Variants in C11orf54 observed in about 807,000 individuals in gnomAD.
C11orf54 encodes beta-keto-L-gulonate decarboxylase.
A neutral mutation model predicts 35.5 loss-of-function variants in C11orf54; 29 were observed. The ratio of observed to expected loss-of-function variants is 0.82; its 90% CI spans 0.61 to 1.11. The LOEUF is 1.11. Ranked by LOEUF, C11orf54 falls within the 50% of genes most tolerant of loss-of-function variation. C11orf54 has a pLI of 0.00. For missense variants in C11orf54, 373 were observed against 369.2 expected, an observed-to-expected ratio of 1.01 and a Z score of -0.08; for synonymous variants, 108 against 121.1, an observed-to-expected ratio of 0.89 and a Z score of 0.71.
chr11:93,759,694 C>G (rs775407319), intron 7 of C11orf54, 48 bp from the exon 8 acceptor site: 32 of 913,772 alleles, frequency 3.5e-5, no homozygotes, highest in Non-Finnish European at 1.4e-5. Context: ...ATTTTTAATT[C>G]TTAGTAATAT....
intron 2 of C11orf54, among the ~76,000 whole-genome samples, chr11:93,749,836 G>A (rs1417718112): frequency 6.6e-6 from 1 of 152,138 alleles, no homozygotes; most frequent in Non-Finnish European, 1.5e-5. Context: ...AGATCAAAAT[G>A]TAAAATATTT....
chr11:93,749,092 C>T (rs556431660), intron 2 of C11orf54, among the ~76,000 whole-genome samples: 5 of 146,812 alleles, frequency 3.4e-5, no homozygotes, highest in African/African-American at 1.3e-4. Flanking sequence ...TGCAGTAAGC[C>T]GAGATTGCGC....
chr11:93,751,478 C>A (rs1357803708), intron 3 of C11orf54, among the ~76,000 whole-genome samples: 2 of 143,272 alleles, frequency 1.4e-5, no homozygotes, highest in South Asian at 2.2e-4. Flanking sequence ...AATCTCAGCT[C>A]ACTGCAACCT....
chr11:93,748,090 T>C (rs1286676049), intron 2 of C11orf54, among the ~76,000 whole-genome samples: 3 of 152,242 alleles, frequency 2.0e-5, no homozygotes, highest in African/African-American at 7.2e-5. Flanking sequence ...GAACCTTCGC[T>C]TGTTTCTCAA....
At position 93,752,067 on chromosome 11, in the gene C11orf54, G is replaced by A. The variant is rs943398027; in HGVS notation, c.155-1615G>A. On this transcript the variant is annotated intron_variant, in intron 3 of 8. Transcript: ENST00000354421. ...TCATCATGTTGGCCAGGCTGATCTCGAACTCCCAGTCTCAAGTGATGTGCC... is the reference window on the plus strand; with the variant it reads ...TCATCATGTTGGCCAGGCTGATCTCAAACTCCCAGTCTCAAGTGATGTGCC... 4.0e-5 allele frequency among the ~76,000 whole-genome samples: 6 copies of A among 151,428 alleles called. No homozygotes were observed. In the East Asian group the frequency reaches 5.9e-4, roughly 15 times the overall value.
In C11orf54 at chr11:93,750,340, T is replaced by C. The variant is rs760606430; in HGVS notation, c.56-6T>C. ...GTTAAATAATCTTATTCCTTGTCTT[T>C]ATTAGTTATGCAGAAGGGGTTAAAA... On this transcript the variant is annotated splice_region_variant and splice_polypyrimidine_tract_variant and intron_variant, in intron 2 of 8. Transcript: ENST00000354421. 6.2e-7 allele frequency: 1 copy of C among 1,610,770 alleles called. No individual in the cohort carries two copies. Among genetic ancestry groups the C allele is most frequent in the East Asian group, 2.2e-5 (1 of 44,796 alleles).
At position 93,761,937 on chromosome 11, in the gene C11orf54, C is replaced by T; in HGVS notation, c.*249C>T. 2 of 247,236 alleles carry T rather than the reference C, an allele frequency of 8.1e-6. No individual in the cohort carries two copies. The highest frequency in any genetic ancestry group is 1.5e-5 in the Non-Finnish European group (2 of 131,336). 15.3% of individuals were successfully genotyped at this position (247,236 alleles called of 1,614,324 possible). ...AAAAAGTAAAAAATAGAAATTATCT[C>T]ACTACTTAAATCCCATTTTTTTCAC... On this transcript the variant is annotated 3_prime_UTR_variant, in exon 9 of 9. Coordinates refer to ENST00000354421, the MANE Select transcript of C11orf54 (RefSeq NM_001286069.2).
At chr11:93,747,250 C>T (rs527542521) in intron 1 of C11orf54, 47 bp from the exon 2 acceptor site, 90 of 464,508 alleles carry the variant, frequency 1.9e-4, no homozygotes, top group Non-Finnish European at 3.2e-4. Context: ...AACCTAAATG[C>T]CCTTTTGTTC....
rs1281368693 is a variant in C11orf54 at position 93,759,756 on chromosome 11, T to A, written c.672T>A (p.Ser224=). ...VKSHIMPAEF[S]SCPLNSDEEV... ...TTTTGTTGTAGCCTGCAGAATTTTCTTCCTGCCCCTTGAACTCTGATGAAG... is the reference window on the plus strand; with the variant it reads ...TTTTGTTGTAGCCTGCAGAATTTTCATCCTGCCCCTTGAACTCTGATGAAG... The change falls in exon 8 of 9, where the codon TCT becomes TCA. Residue 224 remains serine (S), a synonymous_variant. Coordinates refer to ENST00000354421, the MANE Select transcript of C11orf54 (RefSeq NM_001286069.2). 1 of 1,599,590 alleles carries A rather than the reference T, an allele frequency of 6.3e-7. No individual in the cohort carries two copies. The highest frequency in any genetic ancestry group is 8.5e-7 in the Non-Finnish European group (1 of 1,170,520).
At chr11:93,758,657 G>A (rs760117589) in intron 7 of C11orf54, among the ~76,000 whole-genome samples, 69 of 152,242 alleles carry the variant, frequency 4.5e-4, no homozygotes, top group Non-Finnish European at 9.1e-4. Flanking sequence ...GGGCACTGCT[G>A]ACACACCAGC....
chr11:93,745,564 ATTTTTC>A (rs905785191), intron 1 of C11orf54, among the ~76,000 whole-genome samples: 2 of 152,062 alleles, frequency 1.3e-5, no homozygotes, highest in African/African-American at 4.8e-5. Flanking sequence ...AAGCAAAACA[ATTTTTC>A]TTTGTGCAGA....
intron 1 of C11orf54, chr11:93,746,223 C>G (rs1049850740): frequency 1.3e-5 from 2 of 152,188 alleles, no homozygotes; most frequent in African/African-American, 4.8e-5. Context: ...AAGAATATTT[C>G]AAATGGCTGA....
intron 1 of C11orf54, among the ~76,000 whole-genome samples, chr11:93,744,999 T>TGCCCAGATGTGTA (rs1384297163): frequency 6.6e-6 from 1 of 151,944 alleles, no homozygotes; most frequent in Non-Finnish European, 1.5e-5. Flanking sequence ...GAAGGTACTG[T>TGCCCAGATGTGTA]GCCCAGATGT....
chr11:93,761,629 G>A lies in C11orf54; in HGVS notation c.889G>A (p.Ala297Thr), dbSNP rs777748289. 6.2e-7 allele frequency: 1 copy of A among 1,612,726 alleles called. No homozygotes were observed. The highest frequency in any genetic ancestry group is 1.7e-5 in the Admixed American group (1 of 59,796). ...GGAATATCTTGGATACTTCTTACCT[G>A]CAGAGTTTCTCTATCGCATTGATCA... ...IVEYLGYFLPAEFLYRIDQPK... is the reference protein window; with the variant it reads ...IVEYLGYFLPTEFLYRIDQPK... The change falls in exon 9 of 9, where the codon GCA becomes ACA. Residue 297 changes from alanine (A) to threonine (T), a missense_variant. Physicochemically the swap from Ala to Thr is moderately conservative, Grantham distance 58. Coordinates refer to ENST00000354421, the MANE Select transcript of C11orf54 (RefSeq NM_001286069.2).
At chr11:93,756,934 C>G (rs1943186685) in intron 6 of C11orf54, among the ~76,000 whole-genome samples, 1 of 152,064 alleles carries the variant, frequency 6.6e-6, no homozygotes, top group Non-Finnish European at 1.5e-5. Context: ...ATTTTCTCCT[C>G]ATCCCCACTT....
chr11:93,753,930 C>A lies in C11orf54; in HGVS notation c.229-6C>A, dbSNP rs781324390. The A allele has an allele frequency of 6.2e-7, 1 of 1,611,848 alleles. No homozygotes were observed. Among genetic ancestry groups the A allele is most frequent in the East Asian group, 2.2e-5 (1 of 44,852 alleles). On this transcript the variant is annotated splice_polypyrimidine_tract_variant and splice_region_variant and intron_variant, in intron 4 of 8. Coordinates refer to ENST00000354421, the MANE Select transcript of C11orf54 (RefSeq NM_001286069.2). ...GACTTAAATAATATTTTTTCCTCTT[C>A]TATAGGTTTATGATCTGAATAAAAT...
chr11:93,757,122 GTA>G (rs1294253902), intron 6 of C11orf54, among the ~76,000 whole-genome samples, 192 bp from the exon 7 acceptor site: 2 of 152,036 alleles, frequency 1.3e-5, no homozygotes, highest in Non-Finnish European at 2.9e-5. Context: ...TAACTGATAA[GTA>G]TGTGTGTGTG....
In C11orf54 at chr11:93,757,367, T is replaced by G. The variant is rs1284463109; in HGVS notation, c.559T>G (p.Cys187Gly). ...AACTGGACCACTTAACTTTGTGACT[T>G]GTATGAGAGAGACCCTGGAAAAACA... ...RRTGPLNFVT[C>G]MRETLEKHYG... Residue 187 changes from cysteine to glycine, a missense_variant, in exon 7 of 9, where the codon TGT becomes GGT. Transcript: ENST00000354421. 4 of 1,598,254 alleles carry G rather than the reference T, an allele frequency of 2.5e-6. No individual in the cohort carries two copies. The South Asian group carries it at 4.4e-5, about 18-fold the overall frequency.
intron 3 of C11orf54, among the ~76,000 whole-genome samples, chr11:93,751,294 A>T (rs573953972): frequency 1.3e-5 from 2 of 152,232 alleles, no homozygotes; most frequent in Admixed American, 6.5e-5. Context: ...TTACAGCTTA[A>T]ACAATCTTTG....
Sources: gnomAD v4.1 joint callset for allele counts (sites outside exome capture counted in the v4.1 genomes callset) on GRCh38, gnomAD v4.1.1 for gene constraint, MANE v1.5 for transcripts, NCBI Gene and HGNC (gene_info 2026-07-23, HGNC 2026-07-21) for gene names.